SMARCAD1: variants seen among roughly 807,000 people sequenced by gnomAD.
The protein encoded by SMARCAD1 is SNF2 related chromatin remodeling ATPase with DExD box 1.
SMARCAD1 carries 25 observed loss-of-function variants against 127.1 expected under a neutral mutation model. That is an observed-to-expected ratio of 0.20 (90% CI 0.14 to 0.27). The LOEUF (loss-of-function observed/expected upper bound fraction) is 0.27, where lower values mean the gene tolerates loss of function less well. Ranked by LOEUF, SMARCAD1 falls within the 10% of genes least tolerant of loss-of-function variation. SMARCAD1 has a pLI of 1.00. For missense variants in SMARCAD1, 807 were observed against 1,206.0 expected (o/e 0.67, Z 4.90); for synonymous variants, 400 against 396.9 (o/e 1.01, Z -0.09).
At chr4:94,215,993 G>A (rs28442028) in intron 2 of SMARCAD1, among the ~76,000 whole-genome samples, 22,873 of 152,004 alleles carry the variant, frequency 0.15, 1,920 homozygotes, top group Non-Finnish European at 0.19. Flanking sequence ...ACCATGAACC[G>A]GGTAGCTTAT....
At chr4:94,235,448 G>A (rs1001534772) in intron 4 of SMARCAD1, among the ~76,000 whole-genome samples, 10 of 151,730 alleles carry the variant, frequency 6.6e-5, no homozygotes, top group Non-Finnish European at 1.5e-4. Flanking sequence ...GTGAACCATA[G>A]GTGGTCCTGT....
chr4:94,260,093 ACT>A (rs1750731945), intron 9 of SMARCAD1, among the ~76,000 whole-genome samples: 1 of 151,340 alleles, frequency 6.6e-6, no homozygotes, highest in Non-Finnish European at 1.5e-5. Flanking sequence ...TTGTTCTATA[ACT>A]CTCCTGTCTA....
chr4:94,275,922 T>A, intron 14 of SMARCAD1, among the ~76,000 whole-genome samples: 1 of 151,106 alleles, frequency 6.6e-6, no homozygotes, highest in East Asian at 2.0e-4. Flanking sequence ...CTCAGCCTCC[T>A]GAATAGCTGG....
chr4:94,248,789 A>G (rs923297737), intron 6 of SMARCAD1, among the ~76,000 whole-genome samples: 10 of 152,126 alleles, frequency 6.6e-5, no homozygotes, highest in Non-Finnish European at 1.3e-4. Context: ...ATTTTACTCC[A>G]TTGTGCAGAG....
At chr4:94,233,551 T>C (rs1049343560) in intron 3 of SMARCAD1, among the ~76,000 whole-genome samples, 4 of 152,186 alleles carry the variant, frequency 2.6e-5, no homozygotes, top group African/African-American at 9.6e-5. Flanking sequence ...GGCCTGAAAA[T>C]TACTTTATCT....
chr4:94,282,093 TTTTTTTG>T (rs1358881586), intron 21 of SMARCAD1, among the ~76,000 whole-genome samples: 27 of 186 alleles, frequency 0.15, no homozygotes, highest in South Asian at 0.5. Context: ...TGCAAATACG[TTTTTTTG>T]TTTTTTTTTT....
At position 94,218,870 on chromosome 4, in the gene SMARCAD1, G is replaced by A. The variant is rs530188737; in HGVS notation, c.191-7249G>A. On this transcript the variant is annotated intron_variant, in intron 2 of 23. Transcript: ENST00000354268. The stretch of plus-strand genomic sequence containing the variant: ...TCTGTCACCCAGGCTGGAGTGTGGT[G>A]GTGGGATCATGGCTCACTGCAACCT... Among the ~76,000 whole-genome samples, 7 of 152,188 alleles carry A rather than the reference G, an allele frequency of 4.6e-5. No homozygotes were observed. The South Asian group carries it at 8.3e-4, about 18-fold the overall frequency.
chr4:94,226,093 T>C, intron 2 of SMARCAD1, 26 bp from the exon 3 acceptor site: 1 of 1,582,842 alleles, frequency 6.3e-7, no homozygotes, highest in African/African-American at 1.3e-5. Context: ...GCTCAAAATA[T>C]TTTTCTCCTT....
At chr4:94,253,223 C>G in intron 9 of SMARCAD1, 1 of 1,507,552 alleles carries the variant, frequency 6.6e-7, no homozygotes, top group Non-Finnish European at 8.9e-7. Context: ...CTGAAAAAAC[C>G]CAAGCTGATT....
intron 9 of SMARCAD1, among the ~76,000 whole-genome samples, chr4:94,263,138 G>A (rs931011830): frequency 2.0e-5 from 3 of 151,946 alleles, no homozygotes; most frequent in Non-Finnish European, 2.9e-5. Context: ...TGAATAAAAG[G>A]TATCTAATAG....
chr4:94,288,366 T>A (rs1755249911), intron 23 of SMARCAD1, among the ~76,000 whole-genome samples: 1 of 152,164 alleles, frequency 6.6e-6, no homozygotes, highest in Admixed American at 6.5e-5. Flanking sequence ...AAGAATCTCC[T>A]TATTCTTTTC....
chr4:94,220,045 T>A (rs1174087817), intron 2 of SMARCAD1, among the ~76,000 whole-genome samples: 2 of 152,222 alleles, frequency 1.3e-5, no homozygotes, highest in African/African-American at 2.4e-5. Context: ...TGGTACTACT[T>A]AAAAGTGCCT....
At chr4:94,217,086 C>T (rs1743313262) in intron 2 of SMARCAD1, among the ~76,000 whole-genome samples, 1 of 152,148 alleles carries the variant, frequency 6.6e-6, no homozygotes, top group South Asian at 2.1e-4. Context: ...TCCTCTCCAA[C>T]CTTGTTATTT....
chr4:94,230,559 G>A (rs762385886), intron 3 of SMARCAD1, among the ~76,000 whole-genome samples: 2 of 152,122 alleles, frequency 1.3e-5, no homozygotes, highest in Non-Finnish European at 2.9e-5. Context: ...GTGAGGTGCT[G>A]CCCTGTACAT....
Position 94,264,696 on chromosome 4 carries a change from T to G in SMARCAD1, c.1282-11T>G, listed in dbSNP as rs1374126849. 1.9e-6 allele frequency: 3 copies of G among 1,606,882 alleles called. No homozygotes were observed. Among genetic ancestry groups the G allele is most frequent in the Non-Finnish European group, 1.7e-6 (2 of 1,175,696 alleles). The stretch of plus-strand genomic sequence containing the variant: ...CTGAACTATTCAATTATTTTTCTTT[T>G]TATGCTATAGTTCACAAAGATGTCC... On this transcript the variant is annotated splice_polypyrimidine_tract_variant and intron_variant, in intron 9 of 23. Coordinates refer to ENST00000354268, the MANE Select transcript of SMARCAD1 (RefSeq NM_020159.5).
At chr4:94,264,218 G>A (rs1402786876) in intron 9 of SMARCAD1, among the ~76,000 whole-genome samples, 1 of 151,896 alleles carries the variant, frequency 6.6e-6, no homozygotes, top group Non-Finnish European at 1.5e-5. Context: ...GATGATAGAT[G>A]TGGAAAAATA....
chr4:94,271,883 A>G (rs1716680574), intron 11 of SMARCAD1, among the ~76,000 whole-genome samples: 1 of 152,220 alleles, frequency 6.6e-6, no homozygotes, highest in African/African-American at 2.4e-5. Context: ...TGAGGTATAT[A>G]TTATGTGAAA....
Position 94,264,895 on chromosome 4 carries a change from T to A in SMARCAD1, c.1470T>A (p.Ile490=). 1 of 1,611,866 alleles carries A rather than the reference T, an allele frequency of 6.2e-7. No homozygotes were observed. Among genetic ancestry groups the A allele is most frequent in the Non-Finnish European group, 8.5e-7 (1 of 1,178,318 alleles). ...GGGWNIEQPS[I]LNQSLSLKPY... ...GATGGAACATAGAACAACCTTCCAT[T>A]CTAAACCAAAGGTAATCTTTGTTGA... Residue 490 remains isoleucine, a synonymous_variant, in exon 10 of 24, where the codon ATT becomes ATA. Coordinates refer to ENST00000354268, the MANE Select transcript of SMARCAD1 (RefSeq NM_020159.5).
intron 9 of SMARCAD1, among the ~76,000 whole-genome samples, chr4:94,261,605 A>G (rs564304302): frequency 3.3e-5 from 5 of 152,124 alleles, no homozygotes; most frequent in Non-Finnish European, 7.4e-5. Flanking sequence ...TAATTGGTGA[A>G]AGATTAAGTT....
Sources: allele counts gnomAD v4.1 joint callset (sites outside exome capture counted in the v4.1 genomes callset), GRCh38; gene constraint gnomAD v4.1.1; transcripts MANE v1.5; gene names NCBI Gene and HGNC (gene_info 2026-07-23, HGNC 2026-07-21).